LMTK3: variants seen among roughly 807,000 people sequenced by gnomAD.
LMTK3 encodes the protein serine/threonine-protein kinase LMTK3.
In LMTK3, 27 loss-of-function variants were observed where a neutral mutation model predicts 116.7. The ratio of observed to expected loss-of-function variants is 0.23; its 90% CI spans 0.17 to 0.32. LMTK3 has a LOEUF of 0.32. Ranked by LOEUF, LMTK3 falls within the 10% of genes least tolerant of loss-of-function variation. The pLI, the probability that LMTK3 is intolerant of heterozygous loss-of-function variation, is 1.00. For missense variants in LMTK3, 1,764 were observed against 2,068.5 expected (o/e 0.85, Z 2.86); for synonymous variants, 965 against 971.0 (o/e 0.99, Z 0.11).
chr19:48,503,980 G>C (rs1160375605), intron 5 of LMTK3, among the ~76,000 whole-genome samples: 1 of 151,894 alleles, frequency 6.6e-6, no homozygotes, highest in East Asian at 1.9e-4. Flanking sequence ...CGATTCTCCT[G>C]CCTCAGCCTC....
intron 14 of LMTK3, among the ~76,000 whole-genome samples, chr19:48,488,455 C>G (rs1232089848): frequency 6.6e-6 from 1 of 152,092 alleles, no homozygotes; most frequent in Non-Finnish European, 1.5e-5. Flanking sequence ...TCTTCCTACA[C>G]CCAACATTGA....
intron 14 of LMTK3, among the ~76,000 whole-genome samples, chr19:48,487,132 T>C (rs2147525997): frequency 6.6e-6 from 1 of 151,300 alleles, no homozygotes; most frequent in African/African-American, 2.4e-5. Flanking sequence ...CCTCCCAGGT[T>C]CAAGCAATTC....
At chr19:48,496,303 T>G (rs2147538558) in intron 11 of LMTK3, among the ~76,000 whole-genome samples, 2 of 146,756 alleles carry the variant, frequency 1.4e-5, no homozygotes, top group African/African-American at 5.1e-5. Flanking sequence ...TTTCTTTTCT[T>G]TTTTTTTTTT....
chr19:48,513,080 TCACA>T, upstream of LMTK3: 1 of 1,368,516 alleles, frequency 7.3e-7, no homozygotes, highest in Non-Finnish European at 1.0e-6. The surrounding 1 kb of genome is among the most constrained non-coding windows in gnomAD (Gnocchi z 5.6). Flanking sequence ...ATACAAAGAG[TCACA>T]CACCCACAAC....
chr19:48,486,374 C>T (rs114087548), intron 14 of LMTK3, among the ~76,000 whole-genome samples: 4,960 of 151,196 alleles, frequency 0.033, 148 homozygotes, highest in African/African-American at 0.081. Context: ...GAACATTCTT[C>T]CTACGTGACT....
Position 48,491,967 on chromosome 19 carries a change from A to G in LMTK3, c.4093-428T>C, listed in dbSNP as rs1487574219. Among the ~76,000 whole-genome samples, 2 of 150,000 alleles carry G rather than the reference A, an allele frequency of 1.3e-5. No homozygotes were observed. Among genetic ancestry groups the G allele is most frequent in the Non-Finnish European group, 3.0e-5 (2 of 67,744 alleles). On this transcript the variant is annotated intron_variant, in intron 12 of 14. Transcript: ENST00000600059. This position sits in a 1 kb window ranked among gnomAD's most constrained non-coding sequence, Gnocchi z 5.1. ...CCATCCTGAGCGCATGCCGTGCTGG[A>G]TGCTGTGACCCTGCCCCTGAGCCCT...
intron 11 of LMTK3, among the ~76,000 whole-genome samples, chr19:48,496,303 TTTTTTTTTTTTC>T (rs1972322398): frequency 6.8e-6 from 1 of 146,678 alleles, no homozygotes; most frequent in African/African-American, 2.6e-5. Flanking sequence ...TTTCTTTTCT[TTTTTTTTTTTTC>T]TGAGACAGAG....
intron 6 of LMTK3, 120 bp downstream of exon 6, chr19:48,502,789 C>T (rs1362520755): frequency 3.4e-6 from 3 of 873,170 alleles, no homozygotes; most frequent in African/African-American, 1.7e-5. Context: ...AATGTTAGCG[C>T]ATGCCACACA....
At chr19:48,495,770 T>C (rs1569101572) in intron 11 of LMTK3, among the ~76,000 whole-genome samples, 2 of 152,380 alleles carry the variant, frequency 1.3e-5, no homozygotes, top group East Asian at 3.8e-4. Flanking sequence ...TTCATACCCG[T>C]ATTTAAAGAA....
chr19:48,509,893 C>T, intron 3 of LMTK3, 130 bp downstream of exon 3: 4 of 987,840 alleles, frequency 4.0e-6, no homozygotes, highest in South Asian at 1.7e-5. Flanking sequence ...AAGATTCCAG[C>T]GCTCCCACCT....
chr19:48,497,885 C>T lies in LMTK3; in HGVS notation c.3184G>A (p.Val1062Ile). 6.8e-7 allele frequency: 1 copy of T among 1,470,032 alleles called. No homozygotes were observed. Among genetic ancestry groups the T allele is most frequent in the Non-Finnish European group, 9.0e-7 (1 of 1,114,374 alleles). The allele number at this position is 1,470,032 out of a possible 1,614,324, so 91.1% of individuals were successfully genotyped here. A position where few individuals can be genotyped will look rare whatever the true frequency, so the allele number is the denominator to read the frequency against. The change falls in exon 11 of 15, where the codon GTC (valine) becomes ATC (isoleucine). Residue 1062 changes from valine (V) to isoleucine (I), a missense_variant. Val to Ile is a conservative substitution (Grantham distance 29). Coordinates refer to ENST00000600059, the MANE Select transcript of LMTK3 (RefSeq NM_001388485.1). This position sits in a 1 kb window ranked among gnomAD's most constrained non-coding sequence, Gnocchi z 5.7. ...LERAPAPSAVVSSRNGGETAP... is the reference protein window; with the variant it reads ...LERAPAPSAVISSRNGGETAP... ...GTCTCCCCGCCGTTCCGGGAGGAGACCACTGCGCTGGGTGCAGGGGCTCTC... is the reference window on the plus strand; with the variant it reads ...GTCTCCCCGCCGTTCCGGGAGGAGATCACTGCGCTGGGTGCAGGGGCTCTC...
Position 48,497,928 on chromosome 19 carries a change from G to A in LMTK3, c.3141C>T (p.Ala1047=), listed in dbSNP as rs911327504. 4 of 1,536,196 alleles carry A rather than the reference G, an allele frequency of 2.6e-6. No individual in the cohort carries two copies. In the South Asian group the frequency reaches 5.1e-5, roughly 19 times the overall value. ...WGPAPTIGEP[A]PETSLERAPA... is the part of the protein sequence containing the mutation. Reference sequence around the variant, plus strand: ...GGGCTCTCTCCAGAGAGGTCTCTGGGGCTGGCTCCCCGATCGTGGGGGCTG... The same window carrying A: ...GGGCTCTCTCCAGAGAGGTCTCTGGAGCTGGCTCCCCGATCGTGGGGGCTG... Residue 1047 remains alanine, a synonymous_variant, in exon 11 of 15, where the codon GCC becomes GCT. Coordinates refer to ENST00000600059, the MANE Select transcript of LMTK3 (RefSeq NM_001388485.1). This position sits in a 1 kb window ranked among gnomAD's most constrained non-coding sequence, Gnocchi z 5.7.
chr19:48,497,728 C>A lies in LMTK3; in HGVS notation c.3341G>T (p.Arg1114Leu). The A allele has an allele frequency of 7.5e-7, 1 of 1,337,568 alleles. No individual in the cohort carries two copies. The highest frequency in any genetic ancestry group is 9.5e-7 in the Non-Finnish European group (1 of 1,049,218). 82.9% of individuals were successfully genotyped at this position (1,337,568 alleles called of 1,614,324 possible). ...GGCCGTCCCCGTGCCCACTGGGGCTCGGCCCCCACTCCCGAGGTCCAGCCT... is the reference window on the plus strand; with the variant it reads ...GGCCGTCCCCGTGCCCACTGGGGCTAGGCCCCCACTCCCGAGGTCCAGCCT... ...AGRLDLGSGG[R>L]APVGTGTAPG... The change falls in exon 11 of 15, where the codon CGA becomes CTA. Residue 1114 changes from arginine to leucine, a missense_variant. Physicochemically the swap from Arg to Leu is moderately radical, Grantham distance 102. Coordinates refer to ENST00000600059, the MANE Select transcript of LMTK3 (RefSeq NM_001388485.1). The surrounding 1 kb of genome is among the most constrained non-coding windows in gnomAD (Gnocchi z 5.7).
At position 48,491,112 on chromosome 19, in the gene LMTK3, G is replaced by A. The variant is rs774505954; in HGVS notation, c.4362C>T (p.Pro1454=). ...GPPARAPDAR[P]AGPVEN Reference sequence around the variant, plus strand: ...GCAGGGCCGAGGATATGGTACCTGCGGGCCGGGCGTCGGGGGCCCGGGCGG... The same window carrying A: ...GCAGGGCCGAGGATATGGTACCTGCAGGCCGGGCGTCGGGGGCCCGGGCGG... The change falls in exon 14 of 15, where the codon CCC becomes CCT. Residue 1454 remains proline, a synonymous_variant. Coordinates refer to ENST00000600059, the MANE Select transcript of LMTK3 (RefSeq NM_001388485.1). The surrounding 1 kb of genome is among the most constrained non-coding windows in gnomAD (Gnocchi z 5.1). 3 of 1,368,066 alleles carry A rather than the reference G, an allele frequency of 2.2e-6. No individual in the cohort carries two copies. The highest frequency in any genetic ancestry group is 2.8e-6 in the Non-Finnish European group (3 of 1,061,342). 84.7% of individuals were successfully genotyped at this position (1,368,066 alleles called of 1,614,324 possible).
intron 8 of LMTK3, 35 bp from the exon 9 acceptor site, chr19:48,501,439 G>A (rs1470624477): frequency 1.9e-6 from 3 of 1,612,386 alleles, no homozygotes; most frequent in Non-Finnish European, 2.5e-6. Context: ...GCGGGTCAGG[G>A]CACCCCACAG....
chr19:48,499,353 G>T lies in LMTK3; in HGVS notation c.1716C>A (p.Ala572=). The T allele has an allele frequency of 7.0e-7, 1 of 1,424,180 alleles. No individual in the cohort carries two copies. Among genetic ancestry groups the T allele is most frequent in the Non-Finnish European group, 9.2e-7 (1 of 1,082,414 alleles). The allele number at this position is 1,424,180 out of a possible 1,614,324, so 88.2% of individuals were successfully genotyped here. A position where few individuals can be genotyped will look rare whatever the true frequency, so the allele number is the denominator to read the frequency against. The change falls in exon 11 of 15, where the codon GCC becomes GCA. Residue 572 remains alanine (A), a synonymous_variant. Coordinates refer to ENST00000600059, the MANE Select transcript of LMTK3 (RefSeq NM_001388485.1). ...ACACCAGCTGGGGGACCTCGGAGGGGGCCTGGGGGGCCTGAGGGGCGGGCA... is the reference window on the plus strand; with the variant it reads ...ACACCAGCTGGGGGACCTCGGAGGGTGCCTGGGGGGCCTGAGGGGCGGGCA... ...PGVPAPQAPQ[A]PSEVPQLVSE...
intron 11 of LMTK3, among the ~76,000 whole-genome samples, chr19:48,495,470 C>G (rs1299804204): frequency 6.6e-6 from 1 of 152,188 alleles, no homozygotes; most frequent in Non-Finnish European, 1.5e-5. Context: ...TTTCACCCCC[C>G]AATCCTAATC....
intron 11 of LMTK3, among the ~76,000 whole-genome samples, chr19:48,496,643 T>G (rs1972332629): frequency 6.6e-6 from 1 of 152,142 alleles, no homozygotes; most frequent in Non-Finnish European, 1.5e-5. Flanking sequence ...GAGATGGGGT[T>G]TCGCCATGTT....
At position 48,499,078 on chromosome 19, in the gene LMTK3, C is replaced by T. The variant is rs951920868; in HGVS notation, c.1991G>A (p.Arg664Gln). ...SSSLGGGPSR[R>Q]GPLPCPLCSR... ...GCACAGGGGACAGGGTAGGGGACCC[C>T]GGCGGCTTGGGCCACCTCCAAGGCT... The change falls in exon 11 of 15, where the codon CGG becomes CAG. Residue 664 changes from arginine to glutamine, a missense_variant. Around this residue, in one of 7 missense-constraint regions of LMTK3, gnomAD observed 1,028 missense variants for 1,050.6 expected, o/e 0.98. Transcript: ENST00000600059. 8.4e-6 allele frequency: 13 copies of T among 1,546,156 alleles called. No homozygotes were observed. The highest frequency in any genetic ancestry group is 2.4e-5 in the East Asian group (1 of 41,166).
Sources: gnomAD v4.1 joint callset for allele counts (sites outside exome capture counted in the v4.1 genomes callset) on GRCh38, gnomAD v4.1.1 for gene constraint, gnomAD v4.1.1 regional missense constraint, Gnocchi (gnomAD v3.1) non-coding constraint, MANE v1.5 for transcripts, NCBI Gene and HGNC (gene_info 2026-07-23, HGNC 2026-07-21) for gene names.